The following NPC1 variants were observed in gnomAD, a reference collection of about 807,000 sequenced individuals.
NPC1 encodes the protein Niemann-Pick C1 protein.
A neutral mutation model predicts 140.4 loss-of-function variants in NPC1; 85 were observed. That is an observed-to-expected ratio of 0.61 (90% CI 0.51 to 0.72). NPC1 has a LOEUF of 0.72. Ranked by LOEUF, NPC1 falls within the 30% of genes least tolerant of loss-of-function variation. The pLI is 0.00. For synonymous variants in NPC1, 656 were observed against 624.8 expected (o/e 1.05, Z -0.74); for missense variants, 1,504 against 1,623.8 (o/e 0.93, Z 1.27).
intron 14 of NPC1, among the ~76,000 whole-genome samples, chr18:23,541,922 T>C (rs938409695): frequency 1.3e-5 from 2 of 152,208 alleles, no homozygotes; most frequent in African/African-American, 4.8e-5. Flanking sequence ...ATCAGATGGT[T>C]CCTGTTTAGC....
chr18:23,516,402 G>A (rs1432296618), intron 3 of NPC1: 2 of 1,614,190 alleles, frequency 1.2e-6, no homozygotes, highest in Non-Finnish European at 1.7e-6. Context: ...CTTTCCGAAA[G>A]AGACATCGCA....
chr18:23,538,848 G>C (rs2058671309), intron 19 of NPC1, 177 bp from the exon 20 acceptor site: 1 of 673,296 alleles, frequency 1.5e-6, no homozygotes, highest in Non-Finnish European at 2.6e-6. Context: ...CACTTTCACA[G>C]TTTAATGAAT....
Position 23,586,455 on chromosome 18 carries a change from A to G in NPC1, c.-112T>C. ...GCACCCCGCGCAGGAGGAGCGGAGG[A>G]GCAGGAGCAGGCGCTGACCGCGGCA... On this transcript the variant is annotated 5_prime_UTR_variant, in exon 1 of 25. Transcript: ENST00000269228. 5 of 1,488,182 alleles carry G rather than the reference A, an allele frequency of 3.4e-6. No individual in the cohort carries two copies. Among genetic ancestry groups the G allele is most frequent in the Non-Finnish European group, 4.4e-6 (5 of 1,126,004 alleles). The allele number at this position is 1,488,182 out of a possible 1,614,324, so 92.2% of individuals were successfully genotyped here.
Position 23,515,766 on chromosome 18 carries a change from C to T in NPC1, c.432-9124G>A, listed in dbSNP as rs1301028846. ...CAGGCTGGTCTCGAACTCCTGACCTCAGGTGATCCGCCCACCTTAGCCTCC... is the reference window on the plus strand; with the variant it reads ...CAGGCTGGTCTCGAACTCCTGACCTTAGGTGATCCGCCCACCTTAGCCTCC... On this transcript the variant is annotated intron_variant, in intron 3 of 3. Coordinates refer to the NPC1 transcript ENST00000591107. 3 of 1,494,970 alleles carry T rather than the reference C, an allele frequency of 2.0e-6. No homozygotes were observed. In the African/African-American group the frequency reaches 4.1e-5, roughly 21 times the overall value. 92.6% of individuals were successfully genotyped at this position (1,494,970 alleles called of 1,614,324 possible). A position where few individuals can be genotyped will look rare whatever the true frequency, so the allele number is the denominator to read the frequency against.
intron 3 of NPC1, among the ~76,000 whole-genome samples, chr18:23,571,232 TAAAA>T (rs10715014): frequency 6.8e-6 from 1 of 147,052 alleles, no homozygotes; most frequent in Admixed American, 6.7e-5. Context: ...AAACTGACTT[TAAAA>T]AAAAAAAAAA....
chr18:23,579,850 A>G (rs2145580739), intron 1 of NPC1, among the ~76,000 whole-genome samples: 1 of 150,350 alleles, frequency 6.7e-6, no homozygotes, highest in Admixed American at 6.7e-5. Context: ...GCACCGCTGC[A>G]CTCCAGCCTG....
intron 10 of NPC1, among the ~76,000 whole-genome samples, chr18:23,550,796 A>G (rs779698405): frequency 1.5e-4 from 23 of 152,158 alleles, no homozygotes; most frequent in Admixed American, 2.6e-4. Context: ...CAGTTCTTAC[A>G]TTTCAATCTT....
downstream of NPC1, chr18:23,529,653 G>A (rs779543752): frequency 3.7e-6 from 6 of 1,613,988 alleles, no homozygotes; most frequent in Non-Finnish European, 8.5e-7. Flanking sequence ...TCATAAATTT[G>A]TGATAGCCGT....
rs1397821381 is a variant in NPC1, at chr18:23,546,684, T to C, written c.1757+1322A>G. On this transcript the variant is annotated intron_variant, in intron 11 of 24. Coordinates refer to ENST00000269228, the MANE Select transcript of NPC1 (RefSeq NM_000271.5). ...AATGGAATGAAAAGGAATGGAGTAC[T>C]GATACATGCCACAACATGAATGAAC... is the stretch of plus-strand genomic sequence containing the variant. Among the ~76,000 whole-genome samples, 3 of 152,258 alleles carry C rather than the reference T, an allele frequency of 2.0e-5. No homozygotes were observed. In the East Asian group the frequency reaches 5.8e-4, roughly 29 times the overall value.
chr18:23,517,150 T>C (rs1192719021), intron 3 of NPC1, among the ~76,000 whole-genome samples: 2 of 152,094 alleles, frequency 1.3e-5, no homozygotes, highest in Non-Finnish European at 2.9e-5. Flanking sequence ...TCTTTTACTT[T>C]TTTTTTTTGT....
downstream of NPC1, chr18:23,529,382 A>G (rs908427940): frequency 4.6e-6 from 7 of 1,515,576 alleles, no homozygotes; most frequent in Non-Finnish European, 6.2e-6. Flanking sequence ...TCATGTGATT[A>G]GAGTCACTTG....
chr18:23,546,997 C>CT (rs556390250), intron 11 of NPC1, among the ~76,000 whole-genome samples: 32 of 151,348 alleles, frequency 2.1e-4, no homozygotes, highest in Non-Finnish European at 2.8e-4. Context: ...TCTCTTTTTT[C>CT]TTTTTTTTAG....
chr18:23,540,354 G>T, intron 17 of NPC1, 94 bp downstream of exon 17: 1 of 820,456 alleles, frequency 1.2e-6, no homozygotes, highest in Non-Finnish European at 2.0e-6. Flanking sequence ...TTAGAAGCAG[G>T]CACTTGCTTG....
intron 12 of NPC1, 22 bp downstream of exon 12, chr18:23,544,937 TA>T: frequency 7.7e-7 from 1 of 1,290,776 alleles, no homozygotes; most frequent in Non-Finnish European, 1.1e-6. Context: ...CTCTAGAACA[TA>T]CACCACCCCC....
At chr18:23,518,408 C>T (rs569436446), downstream of NPC1, among the ~76,000 whole-genome samples, 4 of 152,086 alleles carry the variant, frequency 2.6e-5, no homozygotes, top group East Asian at 1.9e-4. Flanking sequence ...GAGGGAAGAT[C>T]GCCAAAGCCT....
intron 23 of NPC1, 121 bp from the exon 24 acceptor site, chr18:23,533,638 C>A: frequency 9.9e-7 from 1 of 1,005,310 alleles, no homozygotes; most frequent in Non-Finnish European, 1.6e-6. Flanking sequence ...TCCTGAGTAG[C>A]TGGGATTAAA....
rs535112681 is a variant in NPC1 at position 23,569,708 on chromosome 18, G to A, written c.288-710C>T. 6.6e-5 allele frequency among the ~76,000 whole-genome samples: 10 copies of A among 152,216 alleles called. No individual in the cohort carries two copies. The East Asian group carries it at 9.6e-4, about 15-fold the overall frequency. ...ATTGAAAGGTTTTCTTTCAAGCCCC[G>A]GAAAATCACTAGGCCCTCCTGAAAC... On this transcript the variant is annotated intron_variant, in intron 3 of 24. Coordinates refer to ENST00000269228, the MANE Select transcript of NPC1 (RefSeq NM_000271.5).
chr18:23,583,071 C>T (rs1296052154), intron 1 of NPC1, among the ~76,000 whole-genome samples: 1 of 143,682 alleles, frequency 7.0e-6, no homozygotes, highest in Non-Finnish European at 1.5e-5. Context: ...CAAACCACTA[C>T]ACTTCAGCCT....
chr18:23,520,444 G>T (rs2058113803), downstream of NPC1: 1 of 751,410 alleles, frequency 1.3e-6, no homozygotes, highest in Non-Finnish European at 2.1e-6. Flanking sequence ...GTCTGATTTT[G>T]CCAGGGGCCA....
Sources: allele counts gnomAD v4.1 joint callset (sites outside exome capture counted in the v4.1 genomes callset), GRCh38; gene constraint gnomAD v4.1.1; transcripts MANE v1.5; gene names NCBI Gene and HGNC (gene_info 2026-07-23, HGNC 2026-07-21).